Variants in FGF14 observed in about 807,000 individuals in gnomAD.
The protein encoded by FGF14 is fibroblast growth factor homologous factor 4.
In FGF14, 5 loss-of-function variants were observed where a neutral mutation model predicts 25.5. The ratio of observed to expected loss-of-function variants is 0.20; its 90% CI spans 0.10 to 0.41. FGF14 has a LOEUF of 0.41. Ranked by LOEUF, FGF14 falls within the 10% of genes least tolerant of loss-of-function variation. The pLI is 1.00. For synonymous variants in FGF14, 138 were observed against 118.3 expected (o/e 1.17, Z -1.08); for missense variants, 222 against 320.1 (o/e 0.69, Z 2.34).
chr13:102,037,357 G>C (rs186909658), intron 1 of FGF14, among the ~76,000 whole-genome samples: 1 of 151,922 alleles, frequency 6.6e-6, no homozygotes, highest in Non-Finnish European at 1.5e-5. Flanking sequence ...ACCTTTTCTG[G>C]TTTGTAGAGG....
At chr13:102,028,058 T>C (rs548926344) in intron 1 of FGF14, among the ~76,000 whole-genome samples, 1 of 152,186 alleles carries the variant, frequency 6.6e-6, no homozygotes, top group East Asian at 1.9e-4. Context: ...CTGTCTGTTC[T>C]TGATGGTACA....
intron 1 of FGF14, among the ~76,000 whole-genome samples, chr13:102,299,200 T>C (rs920594066): frequency 1.3e-5 from 2 of 152,110 alleles, no homozygotes; most frequent in African/African-American, 4.8e-5. Context: ...CAACGGTTAT[T>C]TACAAATTCA....
intron 1 of FGF14, among the ~76,000 whole-genome samples, chr13:102,309,620 A>G (rs944466012): frequency 1.3e-5 from 2 of 152,224 alleles, no homozygotes; most frequent in Non-Finnish European, 2.9e-5. Context: ...TCAATTCAAT[A>G]ATCAAATGCA....
At chr13:102,237,216 C>T (rs1246483400) in intron 1 of FGF14, among the ~76,000 whole-genome samples, 4 of 152,156 alleles carry the variant, frequency 2.6e-5, no homozygotes, top group African/African-American at 7.2e-5. Context: ...ACACATTTGC[C>T]GACATTCAAA....
intron 1 of FGF14, among the ~76,000 whole-genome samples, chr13:102,007,482 C>A (rs1168082676): frequency 1.3e-5 from 2 of 152,150 alleles, no homozygotes; most frequent in East Asian, 3.9e-4. Context: ...GAGTATAGAA[C>A]AATGAGCACG....
chr13:102,057,635 A>G (rs2042493342), intron 1 of FGF14, among the ~76,000 whole-genome samples: 1 of 152,160 alleles, frequency 6.6e-6, no homozygotes, highest in Admixed American at 6.5e-5. Context: ...TGTTGAGTAA[A>G]TAGCTATTTA....
chr13:101,791,851 C>T (rs1450921835), intron 3 of FGF14, among the ~76,000 whole-genome samples: 1 of 152,084 alleles, frequency 6.6e-6, no homozygotes, highest in African/African-American at 2.4e-5. Flanking sequence ...ATTTGGAGAA[C>T]CCACTTGAAA....
chr13:102,219,214 T>C (rs1055954454), intron 1 of FGF14, among the ~76,000 whole-genome samples: 1 of 152,232 alleles, frequency 6.6e-6, no homozygotes, highest in Non-Finnish European at 1.5e-5. Flanking sequence ...GCAGCTACAC[T>C]GGTTGGATAA....
chr13:101,991,010 C>T (rs1345814068), intron 1 of FGF14, among the ~76,000 whole-genome samples: 1 of 152,056 alleles, frequency 6.6e-6, no homozygotes, highest in African/African-American at 2.4e-5. Context: ...TAATGGAGCA[C>T]ATTACTTTTT....
At chr13:102,070,461 G>T (rs145440731) in intron 1 of FGF14, among the ~76,000 whole-genome samples, 2 of 152,256 alleles carry the variant, frequency 1.3e-5, no homozygotes, top group East Asian at 3.9e-4. Flanking sequence ...CCACTGTAGA[G>T]AACAGTTTGG....
chr13:102,083,395 C>T (rs1009247036), intron 1 of FGF14, among the ~76,000 whole-genome samples: 3 of 151,934 alleles, frequency 2.0e-5, no homozygotes, highest in Non-Finnish European at 2.9e-5. Context: ...TTATGTCTTA[C>T]AAACCATAGT....
At position 102,185,420 on chromosome 13, in the gene FGF14, G is replaced by A. The variant is rs181347240; in HGVS notation, c.208+216051C>T. Among the ~76,000 whole-genome samples, 23 of 152,182 alleles carry A rather than the reference G, an allele frequency of 1.5e-4. No individual in the cohort carries two copies. In the South Asian group the frequency reaches 1.9e-3, roughly 12 times the overall value. On this transcript the variant is annotated intron_variant, in intron 1 of 4. Transcript: ENST00000376131. The stretch of plus-strand genomic sequence containing the variant: ...GATGGTGGCATAAATTCTTGAAGAC[G>A]GAGCCTTATTTTCTTCCTCTATTAC...
At chr13:102,157,661 A>G (rs888503152) in intron 1 of FGF14, among the ~76,000 whole-genome samples, 18 of 152,250 alleles carry the variant, frequency 1.2e-4, no homozygotes, top group African/African-American at 4.1e-4. Context: ...GACAAATGGG[A>G]TCTAATTAAA....
chr13:102,033,997 G>A (rs961152296), intron 1 of FGF14, among the ~76,000 whole-genome samples: 34 of 151,992 alleles, frequency 2.2e-4, no homozygotes, highest in African/African-American at 7.5e-4. Context: ...AGTGAGGACC[G>A]CACAGCAGAG....
chr13:101,860,769 T>A (rs1000502326), intron 3 of FGF14, among the ~76,000 whole-genome samples: 8 of 152,044 alleles, frequency 5.3e-5, no homozygotes, highest in Non-Finnish European at 1.2e-4. Context: ...TGAGGCATGT[T>A]GAAACCACTT....
At chr13:102,156,420 T>C (rs1406415820) in intron 1 of FGF14, among the ~76,000 whole-genome samples, 1 of 152,180 alleles carries the variant, frequency 6.6e-6, no homozygotes, top group Non-Finnish European at 1.5e-5. Context: ...CACATGATTA[T>C]CTCAACAGAT....
At chr13:101,976,430 C>CTG (rs1425303443) in intron 1 of FGF14, among the ~76,000 whole-genome samples, 1 of 152,046 alleles carries the variant, frequency 6.6e-6, no homozygotes, top group Non-Finnish European at 1.5e-5. Context: ...TACAAATGGG[C>CTG]TGTGTGCTCC....
intron 1 of FGF14, among the ~76,000 whole-genome samples, chr13:102,022,926 T>G (rs1377447766): frequency 6.6e-6 from 1 of 151,984 alleles, no homozygotes; most frequent in Non-Finnish European, 1.5e-5. Context: ...GGAAGCACCT[T>G]GTGTGAAGCC....
chr13:101,949,352 C>T (rs1446055062), intron 1 of FGF14, among the ~76,000 whole-genome samples: 1 of 152,104 alleles, frequency 6.6e-6, no homozygotes, highest in Non-Finnish European at 1.5e-5. Context: ...ATGACTACTG[C>T]TTGGAGTCCT....
Sources: gnomAD v4.1 joint callset for allele counts (sites outside exome capture counted in the v4.1 genomes callset) on GRCh38, gnomAD v4.1.1 for gene constraint, MANE v1.5 for transcripts, NCBI Gene and HGNC (gene_info 2026-07-23, HGNC 2026-07-21) for gene names.